MEI4: variants seen among roughly 807,000 people sequenced by gnomAD.
The protein encoded by MEI4 is meiotic double-stranded break formation protein 4.
A neutral mutation model predicts 31.4 loss-of-function variants in MEI4; 27 were observed. That is an observed-to-expected ratio of 0.86 (90% CI 0.63 to 1.19). The LOEUF is 1.19. MEI4 is among the 50% of genes most tolerant of loss of function. The probability of loss-of-function intolerance (pLI) is 0.00; values close to 1 mark genes in which losing one functional copy is unlikely to be tolerated. For missense variants in MEI4, 329 were observed against 398.9 expected, an observed-to-expected ratio of 0.82 and a Z score of 1.49; for synonymous variants, 122 against 145.4, an observed-to-expected ratio of 0.84 and a Z score of 1.16.
chr6:77,750,638 CAA>C (rs1314873274), intron 2 of MEI4, among the ~76,000 whole-genome samples: 1 of 152,142 alleles, frequency 6.6e-6, no homozygotes, highest in African/African-American at 2.4e-5. Flanking sequence ...TAGCGACCTA[CAA>C]AGAGACTTAG....
At chr6:77,805,320 T>C (rs761403049) in intron 3 of MEI4, among the ~76,000 whole-genome samples, 36 of 152,172 alleles carry the variant, frequency 2.4e-4, no homozygotes, top group Non-Finnish European at 4.9e-4. Context: ...ATGTTTTTCT[T>C]ATTCAAGGTG....
intron 3 of MEI4, among the ~76,000 whole-genome samples, chr6:77,767,976 A>G (rs1025668014): frequency 2.0e-5 from 3 of 152,230 alleles, no homozygotes; most frequent in Admixed American, 2.0e-4. Flanking sequence ...TATTAAAATA[A>G]TAGCAGTCTT....
chr6:77,809,578 A>G (rs1769523193), intron 3 of MEI4, among the ~76,000 whole-genome samples: 1 of 152,172 alleles, frequency 6.6e-6, no homozygotes. Context: ...CAGGAAAGGT[A>G]TATTATGCGT....
At chr6:77,864,078 A>G (rs868826697) in intron 4 of MEI4, among the ~76,000 whole-genome samples, 9 of 152,224 alleles carry the variant, frequency 5.9e-5, no homozygotes, top group South Asian at 2.1e-4. Context: ...CTCCTGAAGG[A>G]AGCACTAAAC....
chr6:77,697,397 G>A (rs1477457664), intron 2 of MEI4, among the ~76,000 whole-genome samples: 2 of 151,892 alleles, frequency 1.3e-5, no homozygotes, highest in East Asian at 3.9e-4. Context: ...TTCTCTTGTG[G>A]GCATTTAGTG....
intron 3 of MEI4, among the ~76,000 whole-genome samples, chr6:77,824,091 A>C (rs1471301670): frequency 1.1e-4 from 16 of 152,122 alleles, no homozygotes; most frequent in Admixed American, 1.0e-3. Context: ...TAAACAGCAC[A>C]AGTCACTACA....
chr6:77,894,378 T>G (rs748625259), intron 4 of MEI4, among the ~76,000 whole-genome samples: 9 of 152,194 alleles, frequency 5.9e-5, no homozygotes, highest in Non-Finnish European at 1.2e-4. Context: ...AAATGGTGAT[T>G]GATTGTATTT....
At chr6:77,923,001 T>A (rs1766745200) in intron 4 of MEI4, 88 bp from the exon 5 acceptor site, 1 of 748,162 alleles carries the variant, frequency 1.3e-6, no homozygotes, top group Non-Finnish European at 1.8e-6. Flanking sequence ...ATATATTTCG[T>A]TTGCCTGAAA....
At chr6:77,821,963 C>A (rs909722709) in intron 3 of MEI4, among the ~76,000 whole-genome samples, 1 of 152,032 alleles carries the variant, frequency 6.6e-6, no homozygotes, top group African/African-American at 2.4e-5. Context: ...TAATAAAGGC[C>A]AAAGTCTTAT....
At chr6:77,688,147 A>G (rs1443856527) in intron 1 of MEI4, among the ~76,000 whole-genome samples, 1 of 152,260 alleles carries the variant, frequency 6.6e-6, no homozygotes, top group East Asian at 1.9e-4. Flanking sequence ...TCCATGAAAT[A>G]TTAGGGGAAA....
chr6:77,824,463 C>T (rs1769898187), intron 3 of MEI4, among the ~76,000 whole-genome samples: 1 of 152,004 alleles, frequency 6.6e-6, no homozygotes, highest in African/African-American at 2.4e-5. Flanking sequence ...TGAGATTAAA[C>T]TTTCTTATGG....
At chr6:77,654,975 A>G (rs189099591) in intron 1 of MEI4, among the ~76,000 whole-genome samples, 1 of 151,992 alleles carries the variant, frequency 6.6e-6, no homozygotes, top group Admixed American at 6.6e-5. Flanking sequence ...GGTTTGTTAC[A>G]TAGGTGTACA....
intron 4 of MEI4, among the ~76,000 whole-genome samples, chr6:77,900,200 G>A (rs1241083709): frequency 6.6e-6 from 1 of 152,004 alleles, no homozygotes; most frequent in Non-Finnish European, 1.5e-5. Context: ...TTGTAGAAAT[G>A]AAATTAGTAC....
At chr6:77,685,492 G>C (rs1769038542) in intron 1 of MEI4, among the ~76,000 whole-genome samples, 1 of 151,916 alleles carries the variant, frequency 6.6e-6, no homozygotes, top group Admixed American at 6.6e-5. Context: ...CTCCTATTTT[G>C]CAGGTTGTTC....
chr6:77,701,424 G>A (rs1478000771), intron 2 of MEI4, among the ~76,000 whole-genome samples: 1 of 152,070 alleles, frequency 6.6e-6, no homozygotes, highest in Non-Finnish European at 1.5e-5. Flanking sequence ...TTGAGTGTGT[G>A]TGCGGGTGGG....
At chr6:77,751,595 A>C (rs1288842007) in intron 2 of MEI4, among the ~76,000 whole-genome samples, 1 of 152,154 alleles carries the variant, frequency 6.6e-6, no homozygotes. Context: ...AATGACCAAT[A>C]ACAAGTTCTG....
chr6:77,737,664 T>C (rs1767288060), intron 2 of MEI4, among the ~76,000 whole-genome samples: 2 of 151,936 alleles, frequency 1.3e-5, no homozygotes, highest in African/African-American at 4.8e-5. Context: ...CTTGAGACTA[T>C]TGGGAGTGGG....
intron 3 of MEI4, among the ~76,000 whole-genome samples, chr6:77,774,742 C>G (rs1768396597): frequency 6.6e-6 from 1 of 151,946 alleles, no homozygotes; most frequent in Admixed American, 6.6e-5. Context: ...GGGTAGAGAG[C>G]TGCAGCTCTC....
rs1025060263 is a variant in MEI4, at chr6:77,767,948, A to G, written c.768+6283A>G. ...CTTCAATTTACTTTCAAAGTATACT[A>G]TACATTTAAATACCTCTTATTAAAA... On this transcript the variant is annotated intron_variant, in intron 3 of 4. Transcript: ENST00000684080. 3.3e-5 allele frequency among the ~76,000 whole-genome samples: 5 copies of G among 152,200 alleles called. No individual in the cohort carries two copies. The East Asian group carries it at 9.7e-4, about 29-fold the overall frequency.
Sources: allele counts gnomAD v4.1 joint callset (sites outside exome capture counted in the v4.1 genomes callset), GRCh38; gene constraint gnomAD v4.1.1; transcripts MANE v1.5; gene names NCBI Gene and HGNC (gene_info 2026-07-23, HGNC 2026-07-21).